TBC1D1: variants seen among roughly 807,000 people sequenced by gnomAD.
TBC1D1 encodes TBC1 domain family member 1, also known as TBC1 (tre-2/USP6, BUB2, cdc16) domain family, member 1.
Under a neutral mutation model 125.6 loss-of-function variants are expected in TBC1D1, and 89 were observed. The ratio of observed to expected loss-of-function variants is 0.71; its 90% CI spans 0.60 to 0.85. TBC1D1 has a LOEUF of 0.85. TBC1D1 is among the 40% of genes least tolerant of loss of function. TBC1D1 has a pLI of 0.00. For missense variants in TBC1D1, 1,377 were observed against 1,469.2 expected (o/e 0.94, Z 1.03); for synonymous variants, 565 against 564.1 (o/e 1.00, Z -0.02).
At chr4:38,048,818 A>G (rs1749949506) in intron 10 of TBC1D1, among the ~76,000 whole-genome samples, 1 of 152,314 alleles carries the variant, frequency 6.6e-6, no homozygotes, top group African/African-American at 2.4e-5. Context: ...CTTGAGTGGT[A>G]GTAGTTCATT....
rs758974419 is a variant in TBC1D1 at position 38,103,200 on chromosome 4, C to G, written c.2557+43C>G. On this transcript the variant is annotated intron_variant, in intron 15 of 19. Transcript: ENST00000261439. Reference sequence around the variant, plus strand: ...ATTGGAGATGACAATGGAAGTTTCACTCACATGAAAAATCTGAAGAGACTG... The same window carrying G: ...ATTGGAGATGACAATGGAAGTTTCAGTCACATGAAAAATCTGAAGAGACTG... 10 of 1,570,606 alleles carry G rather than the reference C, an allele frequency of 6.4e-6. No homozygotes were observed. In the East Asian group the frequency reaches 2.0e-4, roughly 32 times the overall value.
intron 2 of TBC1D1, among the ~76,000 whole-genome samples, chr4:37,988,370 T>C (rs1735878425): frequency 6.6e-6 from 1 of 152,140 alleles, no homozygotes; most frequent in South Asian, 2.1e-4. Flanking sequence ...GCCCCTGAAA[T>C]CATTGGTCTA....
rs147415384 is a variant in TBC1D1 at position 38,007,410 on chromosome 4, G to A, written c.418-7099G>A. Among the ~76,000 whole-genome samples the A allele has an allele frequency of 7.0e-4, 107 of 151,910 alleles. 1 individual carries two copies. Among genetic ancestry groups the A allele is most frequent in the Non-Finnish European group, 1.3e-3 (88 of 67,942 alleles). ...TGGGACTACAGGCGCCTGCCACCAC[G>A]CCTGGTTAATTTTTGTATCTTTAGT... On this transcript the variant is annotated intron_variant, in intron 2 of 19. Transcript: ENST00000261439.
intron 2 of TBC1D1, among the ~76,000 whole-genome samples, chr4:37,958,962 T>C (rs1729434981): frequency 6.6e-6 from 1 of 152,218 alleles, no homozygotes; most frequent in Admixed American, 6.5e-5. Flanking sequence ...TCACTGACTC[T>C]GGGTGGCACT....
At chr4:38,058,682 G>A (rs988511261) in intron 12 of TBC1D1, among the ~76,000 whole-genome samples, 4 of 152,316 alleles carry the variant, frequency 2.6e-5, no homozygotes, top group Admixed American at 2.6e-4. Context: ...GTGAAAAAGC[G>A]AGGCAGGGAT....
rs944312773 is a variant in TBC1D1 at position 38,087,835 on chromosome 4, G to C, written c.2051-2097G>C. The stretch of plus-strand genomic sequence containing the variant: ...CACTCCCACCTGGGCAACAGAATGA[G>C]ATTCCGTCTCAAAAAAAAAAAAAAA... On this transcript the variant is annotated intron_variant, in intron 12 of 19. Coordinates refer to ENST00000261439, the MANE Select transcript of TBC1D1 (RefSeq NM_015173.4). Among the ~76,000 whole-genome samples the C allele has an allele frequency of 6.8e-5, 7 of 102,380 alleles. No individual in the cohort carries two copies. In the Admixed American group the frequency reaches 8.6e-4, roughly 13 times the overall value. 67.2% of individuals were successfully genotyped at this position (102,380 alleles called of 152,430 possible).
At chr4:38,011,352 TC>T (rs1741443892) in intron 2 of TBC1D1, among the ~76,000 whole-genome samples, 2 of 120,330 alleles carry the variant, frequency 1.7e-5, no homozygotes, top group South Asian at 5.2e-4. Flanking sequence ...AAACTCCATC[TC>T]AAAAAAAAAA....
At chr4:37,996,019 G>A in intron 2 of TBC1D1, 1 of 521,774 alleles carries the variant, frequency 1.9e-6, no homozygotes, top group Non-Finnish European at 3.9e-6. Context: ...GGGATGTCCA[G>A]TGGGGCCCGG....
At chr4:37,961,546 T>C (rs1408035209) in intron 2 of TBC1D1, among the ~76,000 whole-genome samples, 3 of 152,254 alleles carry the variant, frequency 2.0e-5, no homozygotes, top group East Asian at 1.9e-4. Context: ...TTTATGTCCA[T>C]GCCTTGAATT....
rs565321663 is a variant in TBC1D1 at position 37,910,914 on chromosome 4, A to G, written c.417+8402A>G. ...AAACTATCTCATGTACCACACAAATATATATACCTACTATGCACCCACAAC... is the reference window on the plus strand; with the variant it reads ...AAACTATCTCATGTACCACACAAATGTATATACCTACTATGCACCCACAAC... On this transcript the variant is annotated intron_variant, in intron 2 of 19. Transcript: ENST00000261439. Among the ~76,000 whole-genome samples, 22 of 152,012 alleles carry G rather than the reference A, an allele frequency of 1.4e-4. No individual in the cohort carries two copies. In the South Asian group the frequency reaches 4.6e-3, roughly 32 times the overall value.
chr4:37,999,554 A>G (rs1738571594), intron 2 of TBC1D1, among the ~76,000 whole-genome samples: 1 of 151,954 alleles, frequency 6.6e-6, no homozygotes, highest in Admixed American at 6.6e-5. Context: ...CAGGGCTATG[A>G]CAGGTGTTAC....
At chr4:37,930,736 T>G (rs1235933758) in intron 2 of TBC1D1, among the ~76,000 whole-genome samples, 1 of 152,230 alleles carries the variant, frequency 6.6e-6, no homozygotes, top group Non-Finnish European at 1.5e-5. Flanking sequence ...TAAGCAAATC[T>G]GCCTTAGCCA....
At chr4:38,133,570 C>T (rs185029180) in intron 19 of TBC1D1, among the ~76,000 whole-genome samples, 4 of 152,224 alleles carry the variant, frequency 2.6e-5, no homozygotes, top group African/African-American at 7.2e-5. Context: ...GAATGCCAGC[C>T]GTTGTCATTA....
At chr4:37,893,356 T>C (rs2152201585) in intron 1 of TBC1D1, among the ~76,000 whole-genome samples, 1 of 152,356 alleles carries the variant, frequency 6.6e-6, no homozygotes, top group Non-Finnish European at 1.5e-5. Context: ...TTTGGGGACT[T>C]CCTGTATATG....
At chr4:37,891,680 G>A (rs1266928954) in intron 1 of TBC1D1, among the ~76,000 whole-genome samples, 1 of 97,988 alleles carries the variant, frequency 1.0e-5, no homozygotes, top group Non-Finnish European at 1.9e-5. Context: ...TTATCCTAGC[G>A]TGTTTGCAAG....
rs140637784 is a variant in TBC1D1, at chr4:37,973,256, C to T, written c.418-41253C>T. On this transcript the variant is annotated intron_variant, in intron 2 of 19. Transcript: ENST00000261439. ...CACAAACCTTAGACAAATTCTAACC[C>T]AGACTGCAGGAGCCTCTACCCTGGA... Among the ~76,000 whole-genome samples, 22 of 152,288 alleles carry T rather than the reference C, an allele frequency of 1.4e-4. 1 individual carries two copies. The East Asian group carries it at 4.3e-3, about 29-fold the overall frequency.
chr4:37,907,192 G>T (rs1019079077), intron 2 of TBC1D1, among the ~76,000 whole-genome samples: 1 of 152,078 alleles, frequency 6.6e-6, no homozygotes, highest in South Asian at 2.1e-4. Context: ...AGAAAATTTG[G>T]CCTCACACTG....
rs748738495 is a variant in TBC1D1, at chr4:38,115,963, T to G, written c.2802+9T>G. The G allele has an allele frequency of 3.1e-6, 5 of 1,610,856 alleles. No homozygotes were observed. Among genetic ancestry groups the G allele is most frequent in the Non-Finnish European group, 4.2e-6 (5 of 1,177,856 alleles). On this transcript the variant is annotated intron_variant, in intron 16 of 19. Coordinates refer to ENST00000261439, the MANE Select transcript of TBC1D1 (RefSeq NM_015173.4). ...ACATGATTATTTTACAGGTATAGAG[T>G]GTTCCTTATGTCTTTAATACAACAA... is the stretch of plus-strand genomic sequence containing the variant.
rs190335036 is a variant in TBC1D1, at chr4:38,133,297, A to G, written c.3306+40A>G. ...TAAAGCAGCTTCCTGAATCACAAAT[A>G]TATGGTAGTTCATTAACTCACCAAA... On this transcript the variant is annotated intron_variant, in intron 19 of 19. Transcript: ENST00000261439. The G allele has an allele frequency of 1.7e-4, 271 of 1,584,542 alleles. 1 individual carries two copies. The highest frequency in any genetic ancestry group is 1.8e-4 in the Non-Finnish European group (210 of 1,162,362).
Sources: gnomAD v4.1 joint callset for allele counts (sites outside exome capture counted in the v4.1 genomes callset) on GRCh38, gnomAD v4.1.1 for gene constraint, MANE v1.5 for transcripts, NCBI Gene and HGNC (gene_info 2026-07-23, HGNC 2026-07-21) for gene names.